Variants in CHRNE observed in about 807,000 individuals in gnomAD.
CHRNE encodes cholinergic receptor nicotinic epsilon subunit.
CHRNE carries 58 observed loss-of-function variants against 56.5 expected under a neutral mutation model. The observed-to-expected ratio is 1.03, with a 90% CI of 0.83 to 1.28. CHRNE has a LOEUF of 1.28. CHRNE is among the 50% of genes most tolerant of loss of function. The pLI, the probability that CHRNE is intolerant of heterozygous loss-of-function variation, is 0.00. For synonymous variants in CHRNE, 385 were observed against 297.9 expected, an observed-to-expected ratio of 1.29 and a Z score of -3.01; for missense variants, 793 against 688.9, an observed-to-expected ratio of 1.15 and a Z score of -1.69.
upstream of CHRNE, among the ~76,000 whole-genome samples, chr17:4,903,961 G>T (rs889743986): frequency 6.6e-6 from 1 of 152,116 alleles, no homozygotes; most frequent in African/African-American, 2.4e-5. Context: ...GGGTTCAAGC[G>T]ATTCTCCTGC....
chr17:4,901,357 A>G, intron 6 of CHRNE, 167 bp from the exon 7 acceptor site: 5 of 943,002 alleles, frequency 5.3e-6, no homozygotes, highest in Non-Finnish European at 8.3e-6. Flanking sequence ...GGAAAGCCAG[A>G]AGGCAGGACT....
At chr17:4,906,188 T>C (rs116559623), upstream of CHRNE, among the ~76,000 whole-genome samples, 1,566 of 152,266 alleles carry the variant, frequency 0.01, 29 homozygotes, top group African/African-American at 0.036. Context: ...TCTGAGGGCT[T>C]GGGGTGCCAA....
chr17:4,907,102 A>G (rs1395893492), upstream of CHRNE, among the ~76,000 whole-genome samples: 1 of 152,214 alleles, frequency 6.6e-6, no homozygotes, highest in African/African-American at 2.4e-5. Context: ...TACAAAAAAA[A>G]TAGAATAAGA....
rs372515997 is a variant in CHRNE at position 4,899,060 on chromosome 17, A to G, written c.1267T>C (p.Cys423Arg). Reference sequence around the variant, plus strand: ...GCCACGAAGTTCACGGCATCCACACAGCAGCGGACCTCGGGGGCGGCGGCG... The same window carrying G: ...GCCACGAAGTTCACGGCATCCACACGGCAGCGGACCTCGGGGGCGGCGGCG... ...LGAAAPEVRC[C>R]VDAVNFVAES... Residue 423 changes from cysteine to arginine, a missense_variant, in exon 11 of 12, where the codon TGT (cysteine) becomes CGT (arginine). Transcript: ENST00000649488. 1.2e-6 allele frequency: 2 copies of G among 1,611,908 alleles called. No individual in the cohort carries two copies. Among genetic ancestry groups the G allele is most frequent in the South Asian group, 2.2e-5 (2 of 90,792 alleles).
At chr17:4,899,995 A>T in intron 8 of CHRNE, 1 of 1,551,470 alleles carries the variant, frequency 6.4e-7, no homozygotes, top group Non-Finnish European at 8.7e-7. Context: ...CAGCCCATGA[A>T]TATCTGGAGC....
At chr17:4,904,641 G>A (rs1448673623), upstream of CHRNE, among the ~76,000 whole-genome samples, 2 of 152,100 alleles carry the variant, frequency 1.3e-5, no homozygotes, top group African/African-American at 4.8e-5. Flanking sequence ...GGGATCCAGG[G>A]TCACACAAGT....
intron 8 of CHRNE, chr17:4,900,349 G>T: frequency 6.5e-7 from 1 of 1,547,830 alleles, no homozygotes; most frequent in Non-Finnish European, 8.7e-7. Flanking sequence ...CAAGCCGCAG[G>T]GCAGGGGGTT....
Position 4,902,538 on chromosome 17 carries a change from C to T in CHRNE, c.190-44G>A. On this transcript the variant is annotated intron_variant, in intron 2 of 11. Transcript: ENST00000649488. This position sits in a 1 kb window ranked among gnomAD's most constrained non-coding sequence, Gnocchi z 4.0. ...GATGATTGAAGTGAGATTTCAGGGCCAGAAGTGAGCTTTAGGACAGAGCTC... is the reference window on the plus strand; with the variant it reads ...GATGATTGAAGTGAGATTTCAGGGCTAGAAGTGAGCTTTAGGACAGAGCTC... 1 of 1,613,994 alleles carries T rather than the reference C, an allele frequency of 6.2e-7. No individual in the cohort carries two copies. The highest frequency in any genetic ancestry group is 8.5e-7 in the Non-Finnish European group (1 of 1,179,980).
upstream of CHRNE, among the ~76,000 whole-genome samples, chr17:4,907,931 C>T (rs1970111785): frequency 6.6e-6 from 1 of 152,086 alleles, no homozygotes; most frequent in African/African-American, 2.4e-5. Context: ...AATCCCAGCA[C>T]TTTGGGAGGC....
chr17:4,901,105 G>A lies in CHRNE; in HGVS notation c.687C>T (p.Asp229=), dbSNP rs1479728021. Residue 229 remains aspartate (D), a synonymous_variant, in exon 7 of 12, where the codon GAC becomes GAT. Transcript: ENST00000649488. ...GGATDGPGET[D]VIYSLIIRRK... ...GGCGGATGATGAGCGAGTAGATGAC[G>A]TCAGTCTCCCCTGGGCCGTCGGTGG... is the stretch of plus-strand genomic sequence containing the variant. The A allele has an allele frequency of 3.1e-6, 5 of 1,613,540 alleles. No individual in the cohort carries two copies. Among genetic ancestry groups the A allele is most frequent in the South Asian group, 1.1e-5 (1 of 91,082 alleles).
In CHRNE at chr17:4,901,685, C is replaced by G; in HGVS notation, c.501-60G>C. The G allele has an allele frequency of 2.6e-6, 4 of 1,525,614 alleles. No individual in the cohort carries two copies. The South Asian group carries it at 3.4e-5, about 13-fold the overall frequency. The allele number at this position is 1,525,614 out of a possible 1,614,324, so 94.5% of individuals were successfully genotyped here. A position where few individuals can be genotyped will look rare whatever the true frequency, so the allele number is the denominator to read the frequency against. On this transcript the variant is annotated intron_variant, in intron 5 of 11. Transcript: ENST00000649488. ...CTCTGACCTGGGCCCCGGCCTCAGG[C>G]CCAGCCCTGGAAGCTGGGATCTAGC...
Position 4,899,328 on chromosome 17 carries a change from G to T in CHRNE, c.1089C>A (p.Pro363=), listed in dbSNP as rs1368891153. 6.4e-7 allele frequency: 1 copy of T among 1,559,142 alleles called. No homozygotes were observed. The highest frequency in any genetic ancestry group is 1.8e-4 in the Middle Eastern group (1 of 5,482). ...LLGSPPPPEA[P]RAASPPRRAS... ...CCCGCCTTGGGGGCGAGGCGGCCCGGGGGGCCTCGGGCGGCGGCGGGGAGC... is the reference window on the plus strand; with the variant it reads ...CCCGCCTTGGGGGCGAGGCGGCCCGTGGGGCCTCGGGCGGCGGCGGGGAGC... The change falls in exon 10 of 12, where the codon CCC becomes CCA. Residue 363 remains proline, a synonymous_variant. Coordinates refer to ENST00000649488, the MANE Select transcript of CHRNE (RefSeq NM_000080.4).
chr17:4,899,631 G>C, intron 8 of CHRNE, 49 bp from the exon 9 acceptor site: 1 of 1,487,392 alleles, frequency 6.7e-7, no homozygotes. Context: ...CCCAGCTACC[G>C]AAGGCGCCGC....
At chr17:4,900,635 G>A (rs540766332) in intron 8 of CHRNE, 158 bp downstream of exon 8, 7 of 1,472,712 alleles carry the variant, frequency 4.8e-6, no homozygotes, top group Non-Finnish European at 5.5e-6. Context: ...TGAGGAGGAC[G>A]GCGGACCAGG....
In CHRNE at chr17:4,899,312, GGGGCGAGGCGGCCCGGGGGGCCTCGGGC is replaced by G; in HGVS notation, c.1077_1104del (p.Pro360GlnfsTer16). ...AAGCCCACCGACGACGCCCGCCTTG[GGGGCGAGGCGGCCCGGGGGGCCTCGGGC>G]GGCGGCGGGGAGCCCAGGAGGCGCG... On this transcript the variant is annotated frameshift_variant, in exon 10 of 12. Coordinates refer to ENST00000649488, the MANE Select transcript of CHRNE (RefSeq NM_000080.4). LOFTEE classifies it high-confidence loss of function. 1 of 1,577,290 alleles carries G rather than the reference GGGGCGAGGCGGCCCGGGGGGCCTCGGGC, an allele frequency of 6.3e-7. No individual in the cohort carries two copies.
At chr17:4,900,146 G>A (rs1969928583) in intron 8 of CHRNE, 1 of 1,549,954 alleles carries the variant, frequency 6.5e-7, no homozygotes. Flanking sequence ...CTTGTTAGAG[G>A]TGGGGTACTG....
chr17:4,900,810 G>T lies in CHRNE; in HGVS notation c.900C>A (p.Ser300Arg), dbSNP rs747224472. Residue 300 changes from serine to arginine, a missense_variant, in exon 8 of 12, where the codon AGC becomes AGA. By Grantham distance (110) the Ser-to-Arg change is moderately radical. Transcript: ENST00000649488. Reference sequence around the variant, plus strand: ...GGCTTCACCTGCCCAGGAGCGGCACGCTCAGAGAAGTCTCTGGGATTTTCT... The same window carrying T: ...GGCTTCACCTGCCCAGGAGCGGCACTCTCAGAGAAGTCTCTGGGATTTTCT... Reference protein sequence around the residue: ...IAQKIPETSLSVPLLGRFLIF... With the variant: ...IAQKIPETSLRVPLLGRFLIF... The T allele has an allele frequency of 1.9e-6, 3 of 1,613,948 alleles. No individual in the cohort carries two copies. Among genetic ancestry groups the T allele is most frequent in the Non-Finnish European group, 2.5e-6 (3 of 1,179,890 alleles).
chr17:4,902,673 T>C lies in CHRNE; in HGVS notation c.137A>G (p.Glu46Gly). The change falls in exon 2 of 12, where the codon GAG (glutamate) becomes GGG (glycine). Residue 46 changes from glutamate to glycine, a missense_variant. Transcript: ENST00000649488. The surrounding 1 kb of genome is among the most constrained non-coding windows in gnomAD (Gnocchi z 4.0). ...CTTGAGGCTGATGGTGACAGTATCC[T>C]CAGGCTCCCGCACTGGCCGGCTTCC... is the stretch of plus-strand genomic sequence containing the variant. ...DPGSRPVREP[E>G]DTVTISLKVT... 2 of 1,613,830 alleles carry C rather than the reference T, an allele frequency of 1.2e-6. No individual in the cohort carries two copies. Among genetic ancestry groups the C allele is most frequent in the Non-Finnish European group, 1.7e-6 (2 of 1,179,928 alleles).
Position 4,898,663 on chromosome 17 carries a change from G to A in CHRNE, c.*73C>T, listed in dbSNP as rs1344767547. On this transcript the variant is annotated 3_prime_UTR_variant, in exon 12 of 12. Coordinates refer to ENST00000649488, the MANE Select transcript of CHRNE (RefSeq NM_000080.4). ...AGCAGGGGGAAGGGATCATAATGCC[G>A]TGGTGGCGGCAGCCTACTTTTTCAA... 3.9e-6 allele frequency: 6 copies of A among 1,537,896 alleles called. No individual in the cohort carries two copies. Among genetic ancestry groups the A allele is most frequent in the African/African-American group, 2.7e-5 (2 of 73,530 alleles).
Sources: allele counts gnomAD v4.1 joint callset (sites outside exome capture counted in the v4.1 genomes callset), GRCh38; gene constraint gnomAD v4.1.1; non-coding constraint Gnocchi (gnomAD v3.1); transcripts MANE v1.5; gene names NCBI Gene and HGNC (gene_info 2026-07-23, HGNC 2026-07-21).